ORC4: variants seen among roughly 807,000 people sequenced by gnomAD.
The protein encoded by ORC4 is origin recognition complex, subunit 4 homolog.
A neutral mutation model predicts 63.9 loss-of-function variants in ORC4; 55 were observed. The observed-to-expected ratio is 0.86, with a 90% CI of 0.69 to 1.08. The LOEUF is 1.08. Ranked by LOEUF, ORC4 falls within the 50% of genes least tolerant of loss-of-function variation. ORC4 has a pLI of 0.00. For synonymous variants in ORC4, 150 were observed against 168.5 expected, an observed-to-expected ratio of 0.89 and a Z score of 0.85; for missense variants, 511 against 504.4, an observed-to-expected ratio of 1.01 and a Z score of -0.13.
intron 4 of ORC4, among the ~76,000 whole-genome samples, chr2:147,965,181 T>G (rs1558847361): frequency 6.6e-6 from 1 of 152,034 alleles, no homozygotes; most frequent in Non-Finnish European, 1.5e-5. Flanking sequence ...GCCTTATCAC[T>G]ACAGAGAGGC....
At chr2:147,957,743 T>C (rs1689343076) in intron 6 of ORC4, among the ~76,000 whole-genome samples, 1 of 152,162 alleles carries the variant, frequency 6.6e-6, no homozygotes, top group South Asian at 2.1e-4. Flanking sequence ...TAATGTTTTC[T>C]TTCTTCTTCA....
intron 13 of ORC4, 73 bp from the exon 14 acceptor site, chr2:147,935,771 A>G: frequency 1.5e-6 from 2 of 1,321,134 alleles, no homozygotes; most frequent in Non-Finnish European, 2.2e-6. Context: ...CTCCCAGAGA[A>G]CAGTTAGCAT....
At chr2:147,946,129 C>T (rs996118690) in intron 9 of ORC4, among the ~76,000 whole-genome samples, 3 of 152,012 alleles carry the variant, frequency 2.0e-5, no homozygotes, top group Admixed American at 1.3e-4. Flanking sequence ...TTCTAAGTCA[C>T]GCAGTTATAC....
chr2:147,951,987 G>A (rs966479424), intron 8 of ORC4, among the ~76,000 whole-genome samples: 1 of 152,128 alleles, frequency 6.6e-6, no homozygotes, highest in Non-Finnish European at 1.5e-5. Flanking sequence ...AGTTGGAATA[G>A]TATTACTTAG....
intron 1 of ORC4, among the ~76,000 whole-genome samples, chr2:148,019,224 G>A (rs894676783): frequency 6.6e-6 from 1 of 152,152 alleles, no homozygotes; most frequent in East Asian, 1.9e-4. Flanking sequence ...TGCATAAACG[G>A]GGTCCACTGC....
chr2:147,957,141 T>C (rs1689301168), intron 6 of ORC4, among the ~76,000 whole-genome samples: 1 of 147,626 alleles, frequency 6.8e-6, no homozygotes, highest in African/African-American at 2.5e-5. Flanking sequence ...TAATCTATAA[T>C]TACATATAAT....
rs770605657 is a variant in ORC4, at chr2:147,958,360, T to G, written c.325A>C (p.Ile109Leu). Reference protein sequence around the residue: ...LNGLLQINDKIALKEITRQLN... With the variant: ...LNGLLQINDKLALKEITRQLN... Reference sequence around the variant, plus strand: ...TGCCTTGTGATTTCCTTTAGGGCGATTTTGTCATTGATCTGCAGCAGTCCT... The same window carrying G: ...TGCCTTGTGATTTCCTTTAGGGCGAGTTTGTCATTGATCTGCAGCAGTCCT... The change falls in exon 6 of 14, where the codon ATC becomes CTC. Residue 109 changes from isoleucine (I) to leucine (L), a missense_variant. Transcript: ENST00000392857. 6.2e-7 allele frequency: 1 copy of G among 1,612,158 alleles called. No individual in the cohort carries two copies. The highest frequency in any genetic ancestry group is 1.3e-5 in the African/African-American group (1 of 74,888).
chr2:148,019,052 AT>A (rs70992186), intron 1 of ORC4, among the ~76,000 whole-genome samples: 42,701 of 149,958 alleles, frequency 0.28, 6,424 homozygotes, highest in East Asian at 0.46. Context: ...CCTTGCTGGT[AT>A]TTTTTTTTTT....
chr2:147,954,413 A>G (rs183716048), intron 7 of ORC4, among the ~76,000 whole-genome samples: 55 of 152,282 alleles, frequency 3.6e-4, no homozygotes, highest in South Asian at 2.7e-3. Flanking sequence ...CACCTAGGCT[A>G]TATGGCATAG....
chr2:148,005,410 G>A (rs573823655), intron 1 of ORC4, among the ~76,000 whole-genome samples: 2 of 152,120 alleles, frequency 1.3e-5, no homozygotes, highest in South Asian at 4.2e-4. Context: ...TGGGGGATGG[G>A]GGGGCTAAGG....
chr2:147,958,700 T>G (rs1430721069), intron 5 of ORC4, 91 bp downstream of exon 5: 2 of 715,256 alleles, frequency 2.8e-6, no homozygotes, highest in Admixed American at 4.4e-5. Context: ...TTTCAAAATC[T>G]AACTATTAAA....
At position 147,958,880 on chromosome 2, in the gene ORC4, G is replaced by A. The variant is rs1157137967; in HGVS notation, c.226-14C>T. On this transcript the variant is annotated splice_polypyrimidine_tract_variant and intron_variant, in intron 4 of 13. Transcript: ENST00000392857. ...ATGATTTATTAACTAAATATGAAAA[G>A]TTTATGAAATAATAATAGGTAAAAG... 1.9e-6 allele frequency: 2 copies of A among 1,051,090 alleles called. No individual in the cohort carries two copies. Among genetic ancestry groups the A allele is most frequent in the East Asian group, 4.9e-5 (2 of 40,870 alleles). 65.1% of individuals were successfully genotyped at this position (1,051,090 alleles called of 1,614,324 possible). A position where few individuals can be genotyped will look rare whatever the true frequency, so the allele number is the denominator to read the frequency against.
At chr2:147,997,663 C>T (rs1692051974) in intron 1 of ORC4, among the ~76,000 whole-genome samples, 3 of 152,032 alleles carry the variant, frequency 2.0e-5, no homozygotes, top group Admixed American at 2.0e-4. Context: ...TGTATAAAAA[C>T]ATAGCTTAAA....
intron 6 of ORC4, 99 bp downstream of exon 6, chr2:147,958,199 C>A (rs529979224): frequency 2.8e-6 from 2 of 726,372 alleles, no homozygotes; most frequent in Admixed American, 2.6e-5. Context: ...TTAAGAATTT[C>A]TGAACCTCTC....
rs1175447482 is a variant in ORC4 at position 147,975,905 on chromosome 2, T to C, written c.54A>G (p.Ser18=). Residue 18 remains serine, a synonymous_variant, in exon 2 of 14, where the codon TCA becomes TCG. Transcript: ENST00000392857. ...SNSLIHTECL[S]QVQRILRERF... is the part of the protein sequence containing the mutation. ...ATTAATGAAAATACATACTAACCTGTGAAAGGCACTCTGTGTGAATTAAGC... is the reference window on the plus strand; with the variant it reads ...ATTAATGAAAATACATACTAACCTGCGAAAGGCACTCTGTGTGAATTAAGC... The C allele has an allele frequency of 6.5e-7, 1 of 1,549,496 alleles. No individual in the cohort carries two copies. Among genetic ancestry groups the C allele is most frequent in the Non-Finnish European group, 8.9e-7 (1 of 1,121,420 alleles).
At chr2:147,941,937 G>C (rs532482737) in intron 10 of ORC4, among the ~76,000 whole-genome samples, 30 of 152,180 alleles carry the variant, frequency 2.0e-4, no homozygotes, top group South Asian at 1.2e-3. Flanking sequence ...GCAGCAATGA[G>C]GAAAGAAAAC....
chr2:147,963,332 A>G (rs1351792529), intron 4 of ORC4, among the ~76,000 whole-genome samples: 3 of 152,086 alleles, frequency 2.0e-5, no homozygotes, highest in African/African-American at 7.2e-5. Context: ...AAAATGGTCC[A>G]GTGGGCCATC....
At chr2:147,938,912 C>T (rs1310057068) in intron 11 of ORC4, among the ~76,000 whole-genome samples, 1 of 152,152 alleles carries the variant, frequency 6.6e-6, no homozygotes, top group Non-Finnish European at 1.5e-5. Context: ...ATCAGCAACA[C>T]AGTCTTACCT....
At chr2:148,021,329 C>A, upstream of ORC4, 1 of 371,762 alleles carries the variant, frequency 2.7e-6, no homozygotes, top group Non-Finnish European at 5.4e-6. Context: ...TCTTCGAAAA[C>A]CCCCATCCAC....
Sources: gnomAD v4.1 joint callset for allele counts (sites outside exome capture counted in the v4.1 genomes callset) on GRCh38, gnomAD v4.1.1 for gene constraint, MANE v1.5 for transcripts, NCBI Gene and HGNC (gene_info 2026-07-23, HGNC 2026-07-21) for gene names.